The following COL23A1 variants were observed in gnomAD, a reference collection of about 807,000 sequenced individuals.
COL23A1 encodes collagen alpha-1(XXIII) chain.
In COL23A1, 97 loss-of-function variants were observed where a neutral mutation model predicts 99.3. The ratio of observed to expected loss-of-function variants is 0.98; its 90% CI spans 0.83 to 1.16. COL23A1 has a LOEUF of 1.16. COL23A1 is among the 50% of genes most tolerant of loss of function. The pLI, the probability that COL23A1 is intolerant of heterozygous loss-of-function variation, is 0.00. For missense variants in COL23A1, 762 were observed against 757.4 expected, an observed-to-expected ratio of 1.01 and a Z score of -0.07; for synonymous variants, 320 against 308.2, an observed-to-expected ratio of 1.04 and a Z score of -0.40.
chr5:178,241,772 G>T (rs1041208332), intron 27 of COL23A1, among the ~76,000 whole-genome samples: 1 of 152,238 alleles, frequency 6.6e-6, no homozygotes, highest in African/African-American at 2.4e-5. Flanking sequence ...GCCTGTCCTG[G>T]GGGTGAAGAA....
chr5:178,547,946 A>C (rs1298129940), intron 2 of COL23A1, among the ~76,000 whole-genome samples: 9 of 24,988 alleles, frequency 3.6e-4, no homozygotes, highest in Admixed American at 1.2e-3. Flanking sequence ...CCCACCCCCC[A>C]CACACACCCA....
At chr5:178,250,870 A>G (rs1354330638) in intron 17 of COL23A1, among the ~76,000 whole-genome samples, 10 of 151,540 alleles carry the variant, frequency 6.6e-5, no homozygotes, top group Non-Finnish European at 1.5e-5. Context: ...AATACCAGCT[A>G]CTTGGGAGGC....
chr5:178,466,657 T>C (rs1023880096), intron 2 of COL23A1, among the ~76,000 whole-genome samples: 12 of 152,246 alleles, frequency 7.9e-5, no homozygotes, highest in African/African-American at 2.9e-4. Flanking sequence ...GGGATGGCCC[T>C]GCAGCCTGCA....
At chr5:178,565,359 T>C (rs1341793757) in intron 1 of COL23A1, among the ~76,000 whole-genome samples, 1 of 152,174 alleles carries the variant, frequency 6.6e-6, no homozygotes, top group African/African-American at 2.4e-5. Flanking sequence ...GTCCATCCTG[T>C]GAGTACAGGC....
intron 2 of COL23A1, among the ~76,000 whole-genome samples, chr5:178,334,137 C>T (rs1358196567): frequency 6.6e-6 from 1 of 152,220 alleles, no homozygotes; most frequent in Non-Finnish European, 1.5e-5. Flanking sequence ...CTGCCCTCCA[C>T]TGCAGACTTG....
chr5:178,553,058 T>C (rs1762089817), intron 2 of COL23A1, among the ~76,000 whole-genome samples: 1 of 151,708 alleles, frequency 6.6e-6, no homozygotes, highest in Admixed American at 6.6e-5. Context: ...TGGTCCCAGC[T>C]ATTATCCCGG....
At chr5:178,432,106 C>A (rs926405776) in intron 2 of COL23A1, among the ~76,000 whole-genome samples, 2 of 152,208 alleles carry the variant, frequency 1.3e-5, no homozygotes, top group Admixed American at 6.5e-5. Flanking sequence ...AAATCTGGTA[C>A]GTCCCCTGAG....
At chr5:178,339,635 G>A (rs1760541831) in intron 2 of COL23A1, among the ~76,000 whole-genome samples, 1 of 152,226 alleles carries the variant, frequency 6.6e-6, no homozygotes, top group South Asian at 2.1e-4. Flanking sequence ...TAAGCACTGA[G>A]GATATGTTCC....
chr5:178,372,327 GT>G (rs1470424678), intron 2 of COL23A1, among the ~76,000 whole-genome samples: 5 of 152,190 alleles, frequency 3.3e-5, no homozygotes, highest in Non-Finnish European at 5.9e-5. Context: ...CAGGTTTTCT[GT>G]TTCTTATTAA....
At chr5:178,423,573 G>A (rs1396806240) in intron 2 of COL23A1, among the ~76,000 whole-genome samples, 1 of 152,160 alleles carries the variant, frequency 6.6e-6, no homozygotes, top group Admixed American at 6.5e-5. Flanking sequence ...CTTCCACCTC[G>A]GATGGGTGGA....
At chr5:178,356,968 T>C (rs889495058) in intron 2 of COL23A1, among the ~76,000 whole-genome samples, 1 of 152,228 alleles carries the variant, frequency 6.6e-6, no homozygotes, top group African/African-American at 2.4e-5. Context: ...ACACAAAGCC[T>C]GACGCTCGTG....
chr5:178,365,573 C>G lies in COL23A1; in HGVS notation c.362-58654G>C, dbSNP rs1376515349. 6.6e-6 allele frequency among the ~76,000 whole-genome samples: 1 copy of G among 152,196 alleles called. No homozygotes were observed. Among genetic ancestry groups the G allele is most frequent in the Admixed American group, 6.5e-5 (1 of 15,280 alleles). On this transcript the variant is annotated intron_variant, in intron 2 of 28. Transcript: ENST00000390654. This position sits in a 1 kb window ranked among gnomAD's most constrained non-coding sequence, Gnocchi z 5.2. ...GGGTCCTCAGGTCTGGCTGGGCCCACCTGGCTGCTTCCTGGTCTCTACCAC... is the reference window on the plus strand; with the variant it reads ...GGGTCCTCAGGTCTGGCTGGGCCCAGCTGGCTGCTTCCTGGTCTCTACCAC...
intron 2 of COL23A1, among the ~76,000 whole-genome samples, chr5:178,517,535 G>T (rs1003101792): frequency 1.4e-5 from 2 of 140,030 alleles, no homozygotes; most frequent in African/African-American, 5.5e-5. Context: ...CTCTCTTAGG[G>T]CTCAGACTCT....
chr5:178,471,096 C>T (rs1303187136), intron 2 of COL23A1, among the ~76,000 whole-genome samples: 1 of 152,178 alleles, frequency 6.6e-6, no homozygotes, highest in Non-Finnish European at 1.5e-5. Context: ...CAGGTCCCTG[C>T]AGGAAACAGA....
At chr5:178,338,001 C>T (rs572333861) in intron 2 of COL23A1, among the ~76,000 whole-genome samples, 9 of 152,108 alleles carry the variant, frequency 5.9e-5, no homozygotes, top group Non-Finnish European at 1.0e-4. Flanking sequence ...CTGACAACTC[C>T]GTGAAGTGGC....
chr5:178,536,005 C>T (rs967853575), intron 2 of COL23A1, among the ~76,000 whole-genome samples: 2 of 152,256 alleles, frequency 1.3e-5, no homozygotes, highest in African/African-American at 4.8e-5. Flanking sequence ...AGGCCCCGGG[C>T]CTTCCTCCAG....
chr5:178,294,777 AAG>A (rs1757654348), intron 3 of COL23A1, among the ~76,000 whole-genome samples: 1 of 152,232 alleles, frequency 6.6e-6, no homozygotes. Flanking sequence ...GAAGCCATAA[AAG>A]AGAGGTCTGA....
chr5:178,292,855 C>G (rs2913819), intron 3 of COL23A1, among the ~76,000 whole-genome samples: 94,558 of 151,754 alleles, frequency 0.62, 30,016 homozygotes, highest in Non-Finnish European at 0.69. Flanking sequence ...GGCACTGCTG[C>G]AAGTTAAAGA....
At position 178,306,632 on chromosome 5, in the gene COL23A1, G is replaced by A. The variant is rs1037780246; in HGVS notation, c.406+243C>T. On this transcript the variant is annotated intron_variant, in intron 3 of 28. Transcript: ENST00000390654. This position sits in a 1 kb window ranked among gnomAD's most constrained non-coding sequence, Gnocchi z 4.1. ...GGACTAGGGGCCAACAACGAGGTTC[G>A]GGGGATGACTGGGGGCAGAGGGGAC... Among the ~76,000 whole-genome samples the A allele has an allele frequency of 1.1e-4, 16 of 151,228 alleles. No homozygotes were observed. Among genetic ancestry groups the A allele is most frequent in the Admixed American group, 5.9e-4 (9 of 15,210 alleles).
Sources: allele counts gnomAD v4.1 joint callset (sites outside exome capture counted in the v4.1 genomes callset), GRCh38; gene constraint gnomAD v4.1.1; non-coding constraint Gnocchi (gnomAD v3.1); transcripts MANE v1.5; gene names NCBI Gene and HGNC (gene_info 2026-07-23, HGNC 2026-07-21).